Variants in RASGRP2 observed in about 807,000 individuals in gnomAD.
RASGRP2 encodes the protein RAS guanyl releasing protein 2.
In RASGRP2, 44 loss-of-function variants were observed where a neutral mutation model predicts 71.0. The ratio of observed to expected loss-of-function variants is 0.62; its 90% CI spans 0.49 to 0.80. The LOEUF is 0.80. Ranked by LOEUF, RASGRP2 falls within the 30% of genes least tolerant of loss-of-function variation. RASGRP2 has a pLI of 0.00. For synonymous variants in RASGRP2, 350 were observed against 330.7 expected (o/e 1.06, Z -0.63); for missense variants, 663 against 813.4 (o/e 0.82, Z 2.25).
intron 12 of RASGRP2, among the ~76,000 whole-genome samples, chr11:64,730,793 G>A (rs2057740498): frequency 6.6e-6 from 1 of 152,250 alleles, no homozygotes; most frequent in Non-Finnish European, 1.5e-5. Flanking sequence ...CTGTAGCGGA[G>A]TAATCTCCCT....
At chr11:64,741,876 T>C (rs1425413256) in intron 3 of RASGRP2, 134 bp downstream of exon 3, 3 of 800,048 alleles carry the variant, frequency 3.7e-6, no homozygotes, top group Non-Finnish European at 6.4e-6. Context: ...AGTTGGAGGC[T>C]GGGACGACGC....
At chr11:64,744,291 C>T, upstream of RASGRP2, 2 of 985,460 alleles carry the variant, frequency 2.0e-6, no homozygotes, top group Non-Finnish European at 2.4e-6. Flanking sequence ...TTTGGCAGAG[C>T]CTTGCCCCAC....
intron 12 of RASGRP2, among the ~76,000 whole-genome samples, chr11:64,730,993 G>C (rs888284783): frequency 1.3e-5 from 2 of 152,230 alleles, no homozygotes; most frequent in Middle Eastern, 6.3e-3. Context: ...ACCTGCTTAT[G>C]AGGGGGCTCA....
chr11:64,739,381 G>C lies in RASGRP2; in HGVS notation c.792C>G (p.His264Gln). 1 of 1,614,124 alleles carries C rather than the reference G, an allele frequency of 6.2e-7. No individual in the cohort carries two copies. Among genetic ancestry groups the C allele is most frequent in the African/African-American group, 1.3e-5 (1 of 75,026 alleles). ...SISRLKETHS[H>Q]VSPETIKLWE... ...GCACCTTGATGGTCTCAGGGCTAAC[G>C]TGGCTGTGGGTCTCCTTGAGGCGGG... The change falls in exon 8 of 17, where the codon CAC becomes CAG. Residue 264 changes from histidine (H) to glutamine (Q), a missense_variant. Transcript: ENST00000394432. This position sits in a 1 kb window ranked among gnomAD's most constrained non-coding sequence, Gnocchi z 4.2.
chr11:64,728,915 G>A lies in RASGRP2; in HGVS notation c.1719C>T (p.Arg573=), dbSNP rs540982034. The A allele has an allele frequency of 1.9e-5, 31 of 1,613,044 alleles. No individual in the cohort carries two copies. The highest frequency in any genetic ancestry group is 1.6e-4 in the Middle Eastern group (1 of 6,082). The change falls in exon 15 of 17, where the codon CGC becomes CGT. Residue 573 remains arginine (R), a synonymous_variant. Coordinates refer to ENST00000394432, the MANE Select transcript of RASGRP2 (RefSeq NM_001098671.2). ...GGCGGGGCAGAGAGAAGCTGAAGGC[G>A]CGGTGATGGTGGCTGTGCATGGGTG... ...SPSPMHSHHH[R]AFSFSLPRPG... is the part of the protein sequence containing the mutation.
rs1050398330 is a variant in RASGRP2, at chr11:64,736,787, A to G, written c.1061T>C (p.Val354Ala). 1.2e-6 allele frequency: 2 copies of G among 1,603,248 alleles called. No individual in the cohort carries two copies. The highest frequency in any genetic ancestry group is 1.7e-6 in the Non-Finnish European group (2 of 1,175,746). Residue 354 changes from valine to alanine, a missense_variant, in exon 9 of 17, where the codon GTA becomes GCA. Val to Ala is a moderately conservative substitution (Grantham distance 64, BLOSUM62 0). Transcript: ENST00000394432. ...GCTCAGCAGGTCGGGGTTGGCCTGT[A>G]CTGGTGGCCGCAGGCTGGTCACCAT... ...LAMVTSLRPP[V>A]QANPDLLSLL...
intron 8 of RASGRP2, among the ~76,000 whole-genome samples, chr11:64,738,956 C>CT (rs2058031585): frequency 1.6e-5 from 1 of 63,558 alleles, no homozygotes; most frequent in South Asian, 7.7e-4. Flanking sequence ...AACCCCATCT[C>CT]TAAAAAAAAA....
Position 64,742,745 on chromosome 11 carries a change from C to T in RASGRP2, c.73+49G>A. ...TGCCTGGGAGGCAGGGACCCGGGCT[C>T]AGACTCGGGGCTAGGCTCAGGCTCC... On this transcript the variant is annotated intron_variant, in intron 2 of 16. Coordinates refer to ENST00000394432, the MANE Select transcript of RASGRP2 (RefSeq NM_001098671.2). The surrounding 1 kb of genome is among the most constrained non-coding windows in gnomAD (Gnocchi z 4.7). 1.9e-6 allele frequency: 3 copies of T among 1,568,652 alleles called. No individual in the cohort carries two copies. Among genetic ancestry groups the T allele is most frequent in the Non-Finnish European group, 2.6e-6 (3 of 1,157,292 alleles).
At chr11:64,727,199 T>C in intron 16 of RASGRP2, 68 bp from the exon 17 acceptor site, 1 of 1,078,754 alleles carries the variant, frequency 9.3e-7, no homozygotes. Flanking sequence ...CCACCTGGCT[T>C]GGAGCCATTT....
At chr11:64,727,259 A>G (rs1368662441) in intron 16 of RASGRP2, 37 bp downstream of exon 16, 18 of 1,572,048 alleles carry the variant, frequency 1.1e-5, no homozygotes, top group Non-Finnish European at 1.5e-5. Context: ...CCCAGCCCTC[A>G]GTGGGGAGCT....
At chr11:64,734,961 C>A in intron 12 of RASGRP2, 151 bp downstream of exon 12, 1 of 686,192 alleles carries the variant, frequency 1.5e-6, no homozygotes. Flanking sequence ...CCTCTCCTCC[C>A]CACAAAAGCA....
chr11:64,735,603 G>A lies in RASGRP2; in HGVS notation c.1235C>T (p.Ser412Leu), dbSNP rs765671882. 26 of 1,613,976 alleles carry A rather than the reference G, an allele frequency of 1.6e-5. No individual in the cohort carries two copies. The highest frequency in any genetic ancestry group is 1.6e-4 in the Middle Eastern group (1 of 6,084). Residue 412 changes from serine to leucine, a missense_variant, in exon 11 of 17, where the codon TCG (serine) becomes TTG (leucine). Ser to Leu is a moderately radical substitution (Grantham distance 145). Coordinates refer to ENST00000394432, the MANE Select transcript of RASGRP2 (RefSeq NM_001098671.2). The surrounding 1 kb of genome is among the most constrained non-coding windows in gnomAD (Gnocchi z 4.2). ...PRPPVLEEWT[S>L]AAKPKLDQAL... Reference sequence around the variant, plus strand: ...CTGATCCAGCTTGGGTTTGGCAGCCGAGGTCCACTCCTCCAGTACCGGGGG... The same window carrying A: ...CTGATCCAGCTTGGGTTTGGCAGCCAAGGTCCACTCCTCCAGTACCGGGGG...
Position 64,736,894 on chromosome 11 carries a change from C to G in RASGRP2, c.954G>C (p.Leu318=), listed in dbSNP as rs148512923. The G allele has an allele frequency of 2.6e-5, 42 of 1,613,810 alleles. No individual in the cohort carries two copies. Among genetic ancestry groups the G allele is most frequent in the Admixed American group, 8.3e-5 (5 of 60,004 alleles). ...LKDLVALQLA[L]PDWLDPARTR... is the part of the protein sequence containing the mutation. The stretch of plus-strand genomic sequence containing the variant: ...TCCGGGCTGGGTCCAGCCAGTCAGG[C>G]AGTGCCAGCTGCAGGGCCACCAGGT... Residue 318 remains leucine (L), a synonymous_variant, in exon 9 of 17, where the codon CTG becomes CTC. Transcript: ENST00000394432.
Position 64,728,965 on chromosome 11 carries a change from G to C in RASGRP2, c.1669C>G (p.Leu557Val). The C allele has an allele frequency of 6.2e-7, 1 of 1,611,810 alleles. No homozygotes were observed. The highest frequency in any genetic ancestry group is 8.5e-7 in the Non-Finnish European group (1 of 1,179,714). ...ECRRRAQSVS[L>V]EGSAPSPSPM... ...GAGGGTGAGGGTGCAGACCCCTCCA[G>C]GCTCACACTCTGGGCCCTGCGCCGA... Residue 557 changes from leucine to valine, a missense_variant, in exon 15 of 17, where the codon CTG becomes GTG. Transcript: ENST00000394432.
At chr11:64,741,405 G>A (rs757294351) in intron 4 of RASGRP2, 34 bp downstream of exon 4, 23 of 1,505,764 alleles carry the variant, frequency 1.5e-5, no homozygotes, top group Non-Finnish European at 1.9e-5. Flanking sequence ...AAGGGAGAAA[G>A]GGGAGGGGCT....
chr11:64,740,310 T>C, intron 5 of RASGRP2, 147 bp from the exon 6 acceptor site: 4 of 936,856 alleles, frequency 4.3e-6, no homozygotes, highest in Non-Finnish European at 6.9e-6. Flanking sequence ...TCCCAGCAAC[T>C]CCTCCTCATC....
chr11:64,739,704 T>C lies in RASGRP2; in HGVS notation c.628A>G (p.Met210Val). ...FNSVSQWVQL[M>V]ILSKPTAPQR... ...GGGGCTGTGGGTTTGCTGAGGATCA[T>C]GAGCTGCACCCACTGTGAGACGCTG... The change falls in exon 7 of 17, where the codon ATG (methionine) becomes GTG (valine). Residue 210 changes from methionine to valine, a missense_variant. Physicochemically the swap from Met to Val is conservative, Grantham distance 21. Transcript: ENST00000394432. The surrounding 1 kb of genome is among the most constrained non-coding windows in gnomAD (Gnocchi z 4.2). The C allele has an allele frequency of 2.5e-6, 4 of 1,613,890 alleles. No homozygotes were observed. The highest frequency in any genetic ancestry group is 3.4e-6 in the Non-Finnish European group (4 of 1,179,916).
intron 5 of RASGRP2, chr11:64,740,530 A>G (rs2058088091): frequency 3.1e-6 from 2 of 636,730 alleles, no homozygotes; most frequent in South Asian, 3.0e-5. Context: ...GAGTCTGTAC[A>G]AAGTGCCATG....
chr11:64,736,626 G>A, intron 9 of RASGRP2, 127 bp downstream of exon 9: 3 of 1,088,828 alleles, frequency 2.8e-6, no homozygotes, highest in Non-Finnish European at 4.0e-6. Context: ...CCAAACCCCA[G>A]AGCCCACGCT....
Sources: allele counts gnomAD v4.1 joint callset (sites outside exome capture counted in the v4.1 genomes callset), GRCh38; gene constraint gnomAD v4.1.1; non-coding constraint Gnocchi (gnomAD v3.1); transcripts MANE v1.5; gene names NCBI Gene and HGNC (gene_info 2026-07-23, HGNC 2026-07-21).